LUZP2: variants seen among roughly 807,000 people sequenced by gnomAD.
The protein encoded by LUZP2 is leucine zipper protein 2.
LUZP2 carries 52 observed loss-of-function variants against 51.6 expected under a neutral mutation model. The ratio of observed to expected loss-of-function variants is 1.01; its 90% confidence interval spans 0.81 to 1.27. The LOEUF is 1.27. LUZP2 is among the 50% of genes most tolerant of loss of function. LUZP2 has a pLI of 0.00. For missense variants in LUZP2, 436 were observed against 395.4 expected, an observed-to-expected ratio of 1.10 and a Z score of -0.87; for synonymous variants, 154 against 137.3, an observed-to-expected ratio of 1.12 and a Z score of -0.85.
At chr11:24,944,996 G>A (rs1346745331) in intron 7 of LUZP2, among the ~76,000 whole-genome samples, 2 of 152,276 alleles carry the variant, frequency 1.3e-5, no homozygotes, top group Middle Eastern at 3.4e-3. Context: ...AAGACACTGA[G>A]GTAGAGTAGT....
At chr11:24,706,066 G>T (rs1294406012) in intron 1 of LUZP2, among the ~76,000 whole-genome samples, 1 of 152,144 alleles carries the variant, frequency 6.6e-6, no homozygotes, top group East Asian at 1.9e-4. Flanking sequence ...TTCACTGTGA[G>T]CTGTGCAGTG....
chr11:24,630,107 A>G (rs547140496), intron 1 of LUZP2, among the ~76,000 whole-genome samples: 2 of 151,714 alleles, frequency 1.3e-5, no homozygotes, highest in Admixed American at 6.6e-5. Flanking sequence ...CTTGTTGGGT[A>G]TATATTGTAA....
intron 4 of LUZP2, among the ~76,000 whole-genome samples, chr11:24,743,938 C>T (rs1208138353): frequency 1.3e-5 from 2 of 151,930 alleles, no homozygotes; most frequent in Non-Finnish European, 2.9e-5. Flanking sequence ...TTCTGATGAG[C>T]ATTCAACAGA....
At chr11:24,558,224 CCT>C (rs1480136954) in intron 1 of LUZP2, among the ~76,000 whole-genome samples, 10 of 152,210 alleles carry the variant, frequency 6.6e-5, no homozygotes, top group African/African-American at 2.4e-4. Context: ...TTAGACTGAG[CCT>C]AACACTGTCA....
At chr11:24,751,255 C>A (rs543732583) in intron 4 of LUZP2, among the ~76,000 whole-genome samples, 1 of 151,932 alleles carries the variant, frequency 6.6e-6, no homozygotes, top group Non-Finnish European at 1.5e-5. Context: ...ACCCAACAAA[C>A]GAAATAATGA....
At position 24,809,695 on chromosome 11, in the gene LUZP2, T is replaced by C. The variant is rs182852607; in HGVS notation, c.396+46387T>C. 1.7e-3 allele frequency among the ~76,000 whole-genome samples: 254 copies of C among 152,270 alleles called. 1 individual carries two copies. Among genetic ancestry groups the C allele is most frequent in the Admixed American group, 2.9e-3 (44 of 15,282 alleles). On this transcript the variant is annotated intron_variant, in intron 5 of 11. Coordinates refer to ENST00000336930, the MANE Select transcript of LUZP2 (RefSeq NM_001009909.4). The stretch of plus-strand genomic sequence containing the variant: ...AAAATGTTTTTAAATAACATTTCTT[T>C]CTCTATTTTCTCCTGTAATAAGGGA...
rs572419945 is a variant in LUZP2 at position 24,712,669 on chromosome 11, C to T, written c.63-16500C>T. 2.6e-5 allele frequency among the ~76,000 whole-genome samples: 4 copies of T among 152,150 alleles called. No individual in the cohort carries two copies. In the South Asian group the frequency reaches 8.3e-4, roughly 32 times the overall value. On this transcript the variant is annotated intron_variant, in intron 1 of 11. Transcript: ENST00000336930. ...TGACTTAGCAAGATTTTTTTTATGA[C>T]TAGGTAATGCAGGCCATGGACAGAT...
rs1859401426 is a variant in LUZP2 at position 25,079,046 on chromosome 11, T to C, written c.*388T>C. On this transcript the variant is annotated 3_prime_UTR_variant, in exon 12 of 12. Coordinates refer to ENST00000336930, the MANE Select transcript of LUZP2 (RefSeq NM_001009909.4). ...GTTCTCAGCATTCTTAGAATCCAAATTACAACCATATCAGTAAGGGTTTGG... is the reference window on the plus strand; with the variant it reads ...GTTCTCAGCATTCTTAGAATCCAAACTACAACCATATCAGTAAGGGTTTGG... The C allele has an allele frequency of 6.0e-6, 1 of 166,794 alleles. No homozygotes were observed. The allele number at this position is 166,794 out of a possible 1,614,324, so 10.3% of individuals were successfully genotyped here.
chr11:24,977,402 T>A (rs565471640), intron 8 of LUZP2, among the ~76,000 whole-genome samples: 1 of 151,660 alleles, frequency 6.6e-6, no homozygotes, highest in Non-Finnish European at 1.5e-5. Flanking sequence ...AAAGATAATG[T>A]GTATGTAGAA....
chr11:24,746,539 T>A (rs557394365), intron 4 of LUZP2, among the ~76,000 whole-genome samples: 1 of 152,200 alleles, frequency 6.6e-6, no homozygotes, highest in Admixed American at 6.5e-5. Context: ...TAGTCGATGA[T>A]CTTTTTGTGA....
chr11:24,778,000 A>G (rs1848987194), intron 5 of LUZP2, among the ~76,000 whole-genome samples: 1 of 152,326 alleles, frequency 6.6e-6, no homozygotes, highest in East Asian at 1.9e-4. Flanking sequence ...AGTGAATGAT[A>G]AATATTCATT....
intron 9 of LUZP2, among the ~76,000 whole-genome samples, chr11:24,989,053 G>A (rs1356945650): frequency 1.3e-5 from 2 of 150,714 alleles, no homozygotes; most frequent in African/African-American, 4.9e-5. Flanking sequence ...GGAGCAGTGA[G>A]GGAAGAAAGA....
chr11:25,074,453 T>C (rs576916525), intron 10 of LUZP2, among the ~76,000 whole-genome samples: 14 of 152,142 alleles, frequency 9.2e-5, no homozygotes, highest in Non-Finnish European at 1.9e-4. Flanking sequence ...CTTCTAGACA[T>C]AAAACATTTT....
intron 7 of LUZP2, among the ~76,000 whole-genome samples, chr11:24,948,332 C>A (rs566166476): frequency 1.3e-5 from 2 of 151,770 alleles, no homozygotes; most frequent in African/African-American, 4.8e-5. Flanking sequence ...ATCATACCTT[C>A]ATTTAATTAC....
chr11:24,607,341 C>CTTTTTTTTTTTTTTTT (rs57741208), intron 1 of LUZP2, among the ~76,000 whole-genome samples: 1 of 63,410 alleles, frequency 1.6e-5, no homozygotes, highest in Admixed American at 1.7e-4. Flanking sequence ...GATATTATGT[C>CTTTTTTTTTTTTTTTT]TTTTTTTTTT....
chr11:24,957,007 A>G (rs1855230386), intron 7 of LUZP2, among the ~76,000 whole-genome samples: 1 of 152,146 alleles, frequency 6.6e-6, no homozygotes, highest in Non-Finnish European at 1.5e-5. Context: ...TCCTTGGGGT[A>G]GGGTAGCATT....
chr11:24,721,818 C>A (rs10834452), intron 1 of LUZP2, among the ~76,000 whole-genome samples: 1 of 151,720 alleles, frequency 6.6e-6, no homozygotes, highest in Non-Finnish European at 1.5e-5. Context: ...TGCATTTGAC[C>A]GTGAATAAGT....
At chr11:24,680,028 T>C (rs1449000335) in intron 1 of LUZP2, among the ~76,000 whole-genome samples, 2 of 152,164 alleles carry the variant, frequency 1.3e-5, no homozygotes, top group Non-Finnish European at 2.9e-5. Flanking sequence ...CCATTCTTTG[T>C]AGACATTGGC....
intron 9 of LUZP2, among the ~76,000 whole-genome samples, chr11:25,006,424 CT>C (rs1335364184): frequency 6.6e-5 from 10 of 152,266 alleles, no homozygotes; most frequent in Middle Eastern, 3.4e-3. Context: ...AGCTGAATGG[CT>C]TTCCTCTCTG....
Sources: gnomAD v4.1 joint callset for allele counts (sites outside exome capture counted in the v4.1 genomes callset) on GRCh38, gnomAD v4.1.1 for gene constraint, MANE v1.5 for transcripts, NCBI Gene and HGNC (gene_info 2026-07-23, HGNC 2026-07-21) for gene names.